TFDP2: variants seen among roughly 807,000 people sequenced by gnomAD.
The protein encoded by TFDP2 is transcription factor Dp-2.
In TFDP2, 17 loss-of-function variants were observed where a neutral mutation model predicts 59.3. That is an observed-to-expected ratio of 0.29 (90% CI 0.20 to 0.43). The LOEUF (loss-of-function observed/expected upper bound fraction) is 0.43. TFDP2 is among the 20% of genes least tolerant of loss of function. TFDP2 has a pLI of 1.00. For synonymous variants in TFDP2, 180 were observed against 194.7 expected, an observed-to-expected ratio of 0.92 and a Z score of 0.63; for missense variants, 391 against 528.8, an observed-to-expected ratio of 0.74 and a Z score of 2.56.
In TFDP2 at chr3:142,086,009, T is replaced by G. The variant is rs576807616; in HGVS notation, c.82+7052A>C. On this transcript the variant is annotated intron_variant, in intron 3 of 12. Coordinates refer to ENST00000489671, the MANE Select transcript of TFDP2 (RefSeq NM_001178139.2). ...TAAAATATTATTCATGCTTATCATT[T>G]CTTTCCCTTCCCTTCTGCCACTATC... Among the ~76,000 whole-genome samples, 3 of 152,308 alleles carry G rather than the reference T, an allele frequency of 2.0e-5. No homozygotes were observed. In the South Asian group the frequency reaches 6.2e-4, roughly 32 times the overall value.
chr3:142,042,072 C>T (rs1256037466), intron 3 of TFDP2, among the ~76,000 whole-genome samples: 2 of 152,088 alleles, frequency 1.3e-5, no homozygotes, highest in Non-Finnish European at 2.9e-5. Context: ...TTATAGTAGG[C>T]CTCAAAAATC....
intron 2 of TFDP2, among the ~76,000 whole-genome samples, chr3:142,101,083 C>T (rs4683668): frequency 0.89 from 135,482 of 152,194 alleles, 60,561 homozygotes; most frequent in African/African-American, 0.97. Context: ...AAGCAATTTA[C>T]AAATAATTCC....
intron 1 of TFDP2, chr3:142,126,408 TG>T (rs1421406447): frequency 1.4e-4 from 22 of 152,146 alleles, no homozygotes; most frequent in African/African-American, 5.3e-4. Flanking sequence ...CTCTGATACA[TG>T]TATCTGAGCC....
chr3:142,131,999 G>A (rs1415237449), intron 1 of TFDP2, among the ~76,000 whole-genome samples: 5 of 104,822 alleles, frequency 4.8e-5, no homozygotes, highest in Non-Finnish European at 9.1e-5. Flanking sequence ...GCAAGACTCC[G>A]TCTCAAAAAA....
chr3:141,966,130 CAAGTG>C (rs1938014662), intron 9 of TFDP2, among the ~76,000 whole-genome samples: 1 of 151,842 alleles, frequency 6.6e-6, no homozygotes, highest in African/African-American at 2.4e-5. Context: ...AATGGTTTTT[CAAGTG>C]AAGAGAGCAG....
At chr3:142,091,944 G>A (rs928912618) in intron 3 of TFDP2, among the ~76,000 whole-genome samples, 3 of 151,982 alleles carry the variant, frequency 2.0e-5, no homozygotes, top group African/African-American at 4.8e-5. Flanking sequence ...TCTAGAGTAC[G>A]TCTCCCACCT....
chr3:142,013,069 G>A (rs754452840), intron 3 of TFDP2, among the ~76,000 whole-genome samples: 9 of 151,998 alleles, frequency 5.9e-5, no homozygotes, highest in African/African-American at 1.7e-4. Context: ...CCCGGGAGGC[G>A]GAGGTTGCCA....
intron 4 of TFDP2, among the ~76,000 whole-genome samples, chr3:142,002,549 A>G (rs1406083413): frequency 6.6e-6 from 1 of 151,940 alleles, no homozygotes; most frequent in African/African-American, 2.4e-5. Flanking sequence ...AATGGCCTTT[A>G]CCATCCATAT....
intron 3 of TFDP2, among the ~76,000 whole-genome samples, chr3:142,008,633 C>G (rs560045270): frequency 4.1e-4 from 62 of 152,220 alleles, no homozygotes; most frequent in South Asian, 8.3e-4. Context: ...GATTCCACAC[C>G]ATTTTCTGAG....
chr3:142,047,682 T>G (rs1947407737), intron 3 of TFDP2, among the ~76,000 whole-genome samples: 1 of 152,098 alleles, frequency 6.6e-6, no homozygotes, highest in Non-Finnish European at 1.5e-5. Flanking sequence ...AACACTCAAG[T>G]TAATTCACAA....
chr3:142,081,274 T>C (rs373411311), intron 3 of TFDP2, among the ~76,000 whole-genome samples: 82 of 152,206 alleles, frequency 5.4e-4, no homozygotes, highest in African/African-American at 2.0e-3. Context: ...ATTTAAAATG[T>C]ACTTGAAACA....
intron 6 of TFDP2, among the ~76,000 whole-genome samples, chr3:141,988,495 G>C (rs1310798215): frequency 6.6e-6 from 1 of 151,864 alleles, no homozygotes; most frequent in Non-Finnish European, 1.5e-5. Flanking sequence ...TCCTGATCTA[G>C]TTTTAGCCCC....
At chr3:142,142,808 G>T (rs1300281072) in intron 1 of TFDP2, among the ~76,000 whole-genome samples, 2 of 152,172 alleles carry the variant, frequency 1.3e-5, no homozygotes, top group Non-Finnish European at 2.9e-5. Flanking sequence ...CACACCTACA[G>T]TTAACTCATT....
chr3:142,135,720 C>A (rs968194953), intron 1 of TFDP2, among the ~76,000 whole-genome samples: 2 of 152,064 alleles, frequency 1.3e-5, no homozygotes, highest in African/African-American at 4.8e-5. Flanking sequence ...CATGTCCCTG[C>A]AAAGGACATG....
At chr3:141,991,799 T>C (rs996951560) in intron 6 of TFDP2, among the ~76,000 whole-genome samples, 1 of 151,568 alleles carries the variant, frequency 6.6e-6, no homozygotes, top group Non-Finnish European at 1.5e-5. Flanking sequence ...TCCCAGCAAT[T>C]TGGGAGGCCA....
intron 3 of TFDP2, among the ~76,000 whole-genome samples, chr3:142,044,486 G>A (rs924008546): frequency 4.6e-5 from 7 of 151,834 alleles, no homozygotes; most frequent in East Asian, 1.9e-4. Context: ...TGCCCATCTC[G>A]GCTTCCCAAA....
At chr3:142,114,091 G>C (rs1168111235) in intron 1 of TFDP2, among the ~76,000 whole-genome samples, 1 of 152,030 alleles carries the variant, frequency 6.6e-6, no homozygotes, top group Non-Finnish European at 1.5e-5. Flanking sequence ...CGTGAACCCG[G>C]GAGGTGGAGC....
chr3:142,044,596 C>G lies in TFDP2; in HGVS notation c.83-39052G>C, dbSNP rs149820642. On this transcript the variant is annotated intron_variant, in intron 3 of 12. Transcript: ENST00000489671. ...ACGTTGGCCAGGCTGGTCTCGAACT[C>G]TTGACCTCAAATGATCTGCCCACCT... 3.4e-3 allele frequency among the ~76,000 whole-genome samples: 513 copies of G among 152,062 alleles called. 2 individuals are homozygous for G. Among genetic ancestry groups the G allele is most frequent in the African/African-American group, 0.012 (481 of 41,472 alleles).
At chr3:142,013,224 T>TTGAA (rs149533206) in intron 3 of TFDP2, among the ~76,000 whole-genome samples, 10,583 of 152,196 alleles carry the variant, frequency 0.07, 470 homozygotes, top group Non-Finnish European at 0.11. Context: ...CTAAAACAAG[T>TTGAA]TGAAGATCTA....
Sources: gnomAD v4.1 joint callset for allele counts (sites outside exome capture counted in the v4.1 genomes callset) on GRCh38, gnomAD v4.1.1 for gene constraint, MANE v1.5 for transcripts, NCBI Gene and HGNC (gene_info 2026-07-23, HGNC 2026-07-21) for gene names.